Variants in PRKG1 observed in about 807,000 individuals in gnomAD.
PRKG1 encodes the protein cGMP-dependent protein kinase 1.
Under a neutral mutation model 88.1 loss-of-function variants are expected in PRKG1, and 35 were observed. The ratio of observed to expected loss-of-function variants is 0.40; its 90% confidence interval spans 0.30 to 0.53. The LOEUF (loss-of-function observed/expected upper bound fraction) is 0.53. Among genes scored for constraint, PRKG1 ranks in the 20% least tolerant of loss-of-function variants. The pLI is 0.59. For missense variants in PRKG1, 540 were observed against 839.8 expected (o/e 0.64, Z 4.41); for synonymous variants, 303 against 292.5 (o/e 1.04, Z -0.37).
chr10:51,660,363 G>A (rs1198474495), intron 3 of PRKG1, among the ~76,000 whole-genome samples: 4 of 151,222 alleles, frequency 2.6e-5, no homozygotes, highest in African/African-American at 9.7e-5. Context: ...TCAAGGGAGA[G>A]AGCAGTAAAA....
intron 2 of PRKG1, among the ~76,000 whole-genome samples, chr10:51,426,357 T>C (rs17602718): frequency 0.015 from 2,281 of 152,244 alleles, 33 homozygotes; most frequent in Non-Finnish European, 0.022. Flanking sequence ...TAGGGTTAGA[T>C]ATGTACCCAA....
At chr10:52,147,413 A>C (rs777942211) in intron 8 of PRKG1, among the ~76,000 whole-genome samples, 9 of 152,192 alleles carry the variant, frequency 5.9e-5, no homozygotes, top group Non-Finnish European at 1.0e-4. Context: ...GCTAATCCCC[A>C]CAATAGCCCC....
intron 4 of PRKG1, among the ~76,000 whole-genome samples, chr10:51,852,228 T>TATATATATATAC (rs967267602): frequency 5.4e-5 from 8 of 148,586 alleles, no homozygotes; most frequent in Admixed American, 3.4e-4. Context: ...TATATATATA[T>TATATATATATAC]ACACACACAC....
rs553266655 is a variant in PRKG1 at position 52,263,583 on chromosome 10, T to A, written c.1174-7767T>A. On this transcript the variant is annotated intron_variant, in intron 10 of 17. Transcript: ENST00000373980. ...TCTCCATTCCAATCTCCAGGATTTT[T>A]TTTTTTTTTTTGAGACAGGGTCTTG... Among the ~76,000 whole-genome samples, 16 of 151,922 alleles carry A rather than the reference T, an allele frequency of 1.1e-4. No individual in the cohort carries two copies. In the East Asian group the frequency reaches 3.1e-3, roughly 30 times the overall value.
rs185815072 is a variant in PRKG1, at chr10:52,039,914, C to A, written c.763-14570C>A. 2.2e-3 allele frequency among the ~76,000 whole-genome samples: 332 copies of A among 152,214 alleles called. 1 individual carries two copies. The highest frequency in any genetic ancestry group is 4.0e-3 in the Non-Finnish European group (269 of 67,996). On this transcript the variant is annotated intron_variant, in intron 5 of 17. Coordinates refer to ENST00000373980, the MANE Select transcript of PRKG1 (RefSeq NM_006258.4). ...GCATACTGCAGAATAAAAAAGGGGG[C>A]AAAATCCTAAATGACTCTACCTTCA...
intron 12 of PRKG1, among the ~76,000 whole-genome samples, chr10:52,276,526 A>G (rs1841878404): frequency 1.3e-5 from 2 of 152,164 alleles, no homozygotes; most frequent in Non-Finnish European, 2.9e-5. Flanking sequence ...GAGTCTATCA[A>G]TATTCATAAA....
At chr10:51,192,324 C>T (rs550440409) in intron 2 of PRKG1, among the ~76,000 whole-genome samples, 1 of 151,878 alleles carries the variant, frequency 6.6e-6, no homozygotes, top group South Asian at 2.1e-4. Context: ...GCTTTCTTAG[C>T]CTCTCTGCAT....
At chr10:52,208,611 C>T (rs560618515) in intron 9 of PRKG1, among the ~76,000 whole-genome samples, 7 of 152,282 alleles carry the variant, frequency 4.6e-5, no homozygotes, top group East Asian at 1.9e-4. Context: ...GACACTTACA[C>T]GCCATTAATG....
At chr10:51,459,508 T>C (rs1839684055) in intron 2 of PRKG1, among the ~76,000 whole-genome samples, 1 of 152,200 alleles carries the variant, frequency 6.6e-6, no homozygotes, top group Non-Finnish European at 1.5e-5. Context: ...TATTTTATTT[T>C]TTATAAGAAA....
At chr10:51,636,724 T>A (rs1364618910) in intron 3 of PRKG1, among the ~76,000 whole-genome samples, 4 of 152,198 alleles carry the variant, frequency 2.6e-5, no homozygotes, top group African/African-American at 9.6e-5. Context: ...AAAGATCTAT[T>A]TGGCTCATTC....
chr10:51,787,826 A>C (rs542874670), intron 3 of PRKG1, among the ~76,000 whole-genome samples: 1 of 152,162 alleles, frequency 6.6e-6, no homozygotes, highest in Non-Finnish European at 1.5e-5. Flanking sequence ...ACTTATTACA[A>C]TCAACCTTCA....
Position 51,395,092 on chromosome 10 carries a change from T to C in PRKG1, c.479-72631T>C, listed in dbSNP as rs751259718. ...CTAGGGATGTGGTCTGTATTTTAAA[T>C]ATGCATGCAGTTTGGAGCTAGACTG... On this transcript the variant is annotated intron_variant, in intron 2 of 17. Transcript: ENST00000373980. Among the ~76,000 whole-genome samples, 109 of 152,214 alleles carry C rather than the reference T, an allele frequency of 7.2e-4. 1 individual carries two copies. Among genetic ancestry groups the C allele is most frequent in the Admixed American group, 9.8e-4 (15 of 15,284 alleles).
At chr10:51,304,067 A>G (rs1261236161) in intron 2 of PRKG1, among the ~76,000 whole-genome samples, 2 of 151,876 alleles carry the variant, frequency 1.3e-5, no homozygotes, top group African/African-American at 4.8e-5. Flanking sequence ...TGATCTGCCC[A>G]CCTCGGCCTC....
chr10:51,463,849 T>C (rs113138163), intron 2 of PRKG1, among the ~76,000 whole-genome samples: 191 of 152,306 alleles, frequency 1.3e-3, no homozygotes, highest in African/African-American at 4.3e-3. Context: ...GTGTCCTGCC[T>C]CCTTGAATTA....
intron 3 of PRKG1, among the ~76,000 whole-genome samples, chr10:51,729,421 C>T (rs934629177): frequency 1.3e-5 from 2 of 151,980 alleles, no homozygotes; most frequent in Non-Finnish European, 2.9e-5. Flanking sequence ...AAGCCACTGT[C>T]AAGAATGAGA....
chr10:51,290,546 A>G (rs1271354250), intron 2 of PRKG1, among the ~76,000 whole-genome samples: 1 of 152,180 alleles, frequency 6.6e-6, no homozygotes. Context: ...CAAATCTATG[A>G]TAGTGTGATT....
At chr10:51,936,999 G>A (rs1210296546) in intron 5 of PRKG1, among the ~76,000 whole-genome samples, 1 of 151,982 alleles carries the variant, frequency 6.6e-6, no homozygotes, top group East Asian at 1.9e-4. Context: ...TTTTCATAAT[G>A]ATTCACAGAA....
intron 1 of PRKG1, among the ~76,000 whole-genome samples, chr10:51,109,481 A>G (rs1564603700): frequency 6.6e-6 from 1 of 152,140 alleles, no homozygotes; most frequent in Non-Finnish European, 1.5e-5. Flanking sequence ...CAATTAAGTG[A>G]AAAAGGGATA....
At chr10:51,526,977 G>A (rs1841899506) in intron 3 of PRKG1, among the ~76,000 whole-genome samples, 1 of 152,078 alleles carries the variant, frequency 6.6e-6, no homozygotes. Flanking sequence ...AAAATTGTAG[G>A]TTTTGTAAAA....
Sources: gnomAD v4.1 joint callset for allele counts (sites outside exome capture counted in the v4.1 genomes callset) on GRCh38, gnomAD v4.1.1 for gene constraint, MANE v1.5 for transcripts, NCBI Gene and HGNC (gene_info 2026-07-23, HGNC 2026-07-21) for gene names.